The following MAP4K4 variants were observed in gnomAD, a reference collection of about 807,000 sequenced individuals.
The protein encoded by MAP4K4 is HPK/GCK-like kinase HGK.
In MAP4K4, 38 loss-of-function variants were observed where a neutral mutation model predicts 189.6. That is an observed-to-expected ratio of 0.20 (90% CI 0.15 to 0.26). The LOEUF (loss-of-function observed/expected upper bound fraction) is 0.26. Ranked by LOEUF, MAP4K4 falls within the 10% of genes least tolerant of loss-of-function variation. The pLI, the probability that MAP4K4 is intolerant of heterozygous loss-of-function variation, is 1.00. For missense variants in MAP4K4, 1,054 were observed against 1,726.9 expected, an observed-to-expected ratio of 0.61 and a Z score of 6.91; for synonymous variants, 610 against 624.3, an observed-to-expected ratio of 0.98 and a Z score of 0.34.
chr2:101,704,567 ATTT>A (rs57278834), intron 2 of MAP4K4, among the ~76,000 whole-genome samples: 41 of 23,382 alleles, frequency 1.8e-3, no homozygotes, highest in East Asian at 4.5e-3. Context: ...ATATATATAT[ATTT>A]TTTTTTTTTT....
chr2:101,871,720 G>A (rs781767046), intron 24 of MAP4K4, 35 bp downstream of exon 24: 1 of 1,526,328 alleles, frequency 6.6e-7, no homozygotes, highest in South Asian at 1.2e-5. Context: ...GCTTTCCTGG[G>A]GTTAGACCAG....
At position 101,871,363 on chromosome 2, in the gene MAP4K4, A is replaced by C. The variant is rs111625858; in HGVS notation, c.2761-131A>C. 3.5e-4 allele frequency: 244 copies of C among 690,540 alleles called. 2 individuals are homozygous for C. The highest frequency in any genetic ancestry group is 1.9e-3 in the South Asian group (92 of 48,820). 42.8% of individuals were successfully genotyped at this position (690,540 alleles called of 1,614,324 possible). A position where few individuals can be genotyped will look rare whatever the true frequency, so the allele number is the denominator to read the frequency against. On this transcript the variant is annotated intron_variant, in intron 23 of 32. Transcript: ENST00000324219. ...GAGGAAGTGTGAGCAGTTCAGGCTA[A>C]TTTCTTTGGTTTTTCCTTGGTAATT... is the stretch of plus-strand genomic sequence containing the variant.
Position 101,867,205 on chromosome 2 carries a change from C to G in MAP4K4, c.2357-7C>G. ...TCTGTCCATCTTGTCCCTTTTGAACCCAACAGCATCATCCAAGTCTGAAGG... is the reference window on the plus strand; with the variant it reads ...TCTGTCCATCTTGTCCCTTTTGAACGCAACAGCATCATCCAAGTCTGAAGG... On this transcript the variant is annotated splice_polypyrimidine_tract_variant and splice_region_variant and intron_variant, in intron 19 of 32. Coordinates refer to ENST00000324219, the Ensembl canonical transcript of MAP4K4. The G allele has an allele frequency of 6.3e-7, 1 of 1,580,122 alleles. No homozygotes were observed. Among genetic ancestry groups the G allele is most frequent in the Non-Finnish European group, 8.6e-7 (1 of 1,156,134 alleles).
At chr2:101,732,029 G>A (rs948310483) in intron 2 of MAP4K4, among the ~76,000 whole-genome samples, 9 of 152,108 alleles carry the variant, frequency 5.9e-5, no homozygotes, top group Admixed American at 3.3e-4. Flanking sequence ...TCAGAATTGG[G>A]GAGGTGAAGC....
chr2:101,873,958 A>T (rs2098127144), intron 25 of MAP4K4, 124 bp from the exon 26 acceptor site: 1 of 894,796 alleles, frequency 1.1e-6, no homozygotes, highest in African/African-American at 1.7e-5. Flanking sequence ...TTGCTTACAG[A>T]TTTCTTCTCT....
Position 101,858,421 on chromosome 2 carries a change from A to G in MAP4K4, c.1396-575A>G, listed in dbSNP as rs547607325. 6.8e-4 allele frequency among the ~76,000 whole-genome samples: 104 copies of G among 152,226 alleles called. 1 individual carries two copies. Among genetic ancestry groups the G allele is most frequent in the African/African-American group, 2.4e-3 (99 of 41,532 alleles). On this transcript the variant is annotated intron_variant, in intron 13 of 32. Coordinates refer to ENST00000324219, the Ensembl canonical transcript of MAP4K4. ...GTCTGTCTCTGTCTGTCACACACACACAAGCTCATCATGGAGCCTGGGTCT... is the reference window on the plus strand; with the variant it reads ...GTCTGTCTCTGTCTGTCACACACACGCAAGCTCATCATGGAGCCTGGGTCT...
At chr2:101,801,897 C>G (rs2094409328) in intron 3 of MAP4K4, among the ~76,000 whole-genome samples, 1 of 152,150 alleles carries the variant, frequency 6.6e-6, no homozygotes. Context: ...GCAACTCCAC[C>G]CTCCTCATTG....
intron 10 of MAP4K4, among the ~76,000 whole-genome samples, chr2:101,840,619 A>G (rs770188345): frequency 6.6e-5 from 10 of 152,198 alleles, no homozygotes; most frequent in Non-Finnish European, 1.0e-4. Context: ...CAGTTCAAAC[A>G]TCGTCACCGT....
At chr2:101,821,222 A>G (rs2096036583) in intron 3 of MAP4K4, among the ~76,000 whole-genome samples, 1 of 152,252 alleles carries the variant, frequency 6.6e-6, no homozygotes, top group East Asian at 1.9e-4. Flanking sequence ...GTATTGGGTC[A>G]TGTGACTGTT....
At chr2:101,791,897 G>A (rs929883432) in intron 3 of MAP4K4, among the ~76,000 whole-genome samples, 1 of 152,146 alleles carries the variant, frequency 6.6e-6, no homozygotes, top group Admixed American at 6.5e-5. Flanking sequence ...AGAATAATGG[G>A]TACTTTAAAA....
chr2:101,718,716 C>A (rs560911791), intron 2 of MAP4K4, among the ~76,000 whole-genome samples: 1 of 152,042 alleles, frequency 6.6e-6, no homozygotes, highest in Admixed American at 6.6e-5. Context: ...TCTCTACTTT[C>A]CTGTGTCTTC....
intron 2 of MAP4K4, among the ~76,000 whole-genome samples, chr2:101,728,103 A>G (rs1401405000): frequency 6.6e-6 from 1 of 152,258 alleles, no homozygotes; most frequent in Non-Finnish European, 1.5e-5. Flanking sequence ...TACCTCTTTA[A>G]GTACAGGCTA....
At chr2:101,706,679 G>A (rs965413771) in intron 2 of MAP4K4, among the ~76,000 whole-genome samples, 8 of 152,142 alleles carry the variant, frequency 5.3e-5, no homozygotes, top group African/African-American at 1.9e-4. Flanking sequence ...TTTCCTCATA[G>A]CTATGCAGGT....
intron 2 of MAP4K4, among the ~76,000 whole-genome samples, chr2:101,731,789 G>A (rs2058633988): frequency 6.6e-6 from 1 of 151,356 alleles, no homozygotes; most frequent in Admixed American, 6.6e-5. Flanking sequence ...GAGGGGTAGG[G>A]GAAAATAAAG....
chr2:101,819,872 A>T lies in MAP4K4; in HGVS notation c.181-4056A>T, dbSNP rs544464384. On this transcript the variant is annotated intron_variant, in intron 3 of 32. Coordinates refer to ENST00000324219, the Ensembl canonical transcript of MAP4K4. ...CGACAGTGCTTCATGGTTTCATGAC[A>T]TAAAATAGTGTTGGGCTCCATTCAG... Among the ~76,000 whole-genome samples, 6 of 152,244 alleles carry T rather than the reference A, an allele frequency of 3.9e-5. No homozygotes were observed. In the East Asian group the frequency reaches 5.8e-4, roughly 15 times the overall value.
rs563529583 is a variant in MAP4K4, at chr2:101,782,835, T to G, written c.124-7885T>G. Among the ~76,000 whole-genome samples the G allele has an allele frequency of 9.8e-5, 15 of 152,300 alleles. No individual in the cohort carries two copies. In the East Asian group the frequency reaches 2.9e-3, roughly 29 times the overall value. ...TGTCTGGGTAATATGCTCTCCCACT[T>G]TGGTAATTTTGGATTTTTTGCAGAT... On this transcript the variant is annotated intron_variant, in intron 2 of 32. Transcript: ENST00000324219.
intron 2 of MAP4K4, among the ~76,000 whole-genome samples, chr2:101,743,845 A>G (rs548850225): frequency 2.0e-5 from 3 of 152,188 alleles, no homozygotes; most frequent in African/African-American, 7.2e-5. Context: ...TGTAGTAGAG[A>G]CAGAGTTTCA....
chr2:101,874,412 G>C (rs1301729892), intron 26 of MAP4K4, among the ~76,000 whole-genome samples, 160 bp downstream of exon 26: 4 of 152,202 alleles, frequency 2.6e-5, no homozygotes, highest in African/African-American at 9.6e-5. Context: ...TAGCAGACTG[G>C]TGTGGCACAT....
intron 2 of MAP4K4, among the ~76,000 whole-genome samples, chr2:101,747,244 G>A (rs769536415): frequency 6.6e-5 from 10 of 152,056 alleles, no homozygotes; most frequent in Non-Finnish European, 1.3e-4. Flanking sequence ...TCAGCCTCTT[G>A]AGTGGCTGGG....
Sources: allele counts gnomAD v4.1 joint callset (sites outside exome capture counted in the v4.1 genomes callset), GRCh38; gene constraint gnomAD v4.1.1; transcripts MANE v1.5; gene names NCBI Gene and HGNC (gene_info 2026-07-23, HGNC 2026-07-21).